Variants in PTPRD observed in about 807,000 individuals in gnomAD.
PTPRD encodes protein tyrosine phosphatase receptor type D.
PTPRD carries 34 observed loss-of-function variants against 214.5 expected under a neutral mutation model. That is an observed-to-expected ratio of 0.16 (90% CI 0.12 to 0.21). The LOEUF is 0.21. PTPRD is among the 10% of genes least tolerant of loss of function. The pLI is 1.00. For missense variants in PTPRD, 2,545 were observed against 2,398.7 expected, an observed-to-expected ratio of 1.06 and a Z score of -1.27; for synonymous variants, 1,128 against 845.7, an observed-to-expected ratio of 1.33 and a Z score of -5.79.
At chr9:9,070,650 T>C (rs2099742383) in intron 10 of PTPRD, among the ~76,000 whole-genome samples, 1 of 152,208 alleles carries the variant, frequency 6.6e-6, no homozygotes, top group Non-Finnish European at 1.5e-5. Context: ...TTAATCTTTG[T>C]ATTCAGCCAT....
At chr9:10,459,306 CA>C (rs1473293505) in intron 2 of PTPRD, among the ~76,000 whole-genome samples, 1 of 152,102 alleles carries the variant, frequency 6.6e-6, no homozygotes, top group Non-Finnish European at 1.5e-5. Flanking sequence ...TATTGATGGG[CA>C]TTTGGGTTTG....
chr9:9,846,226 C>T (rs2059506040), intron 5 of PTPRD, among the ~76,000 whole-genome samples: 2 of 151,970 alleles, frequency 1.3e-5, no homozygotes, highest in South Asian at 4.1e-4. Flanking sequence ...TAGATCTTTA[C>T]ACCTGTGCAT....
chr9:8,610,270 T>TA (rs759830409), intron 14 of PTPRD, among the ~76,000 whole-genome samples: 65 of 152,322 alleles, frequency 4.3e-4, no homozygotes, highest in Admixed American at 9.2e-4. Flanking sequence ...CATATATATA[T>TA]TTTTTGTAAA....
intron 35 of PTPRD, among the ~76,000 whole-genome samples, chr9:8,432,841 A>G (rs1447324423): frequency 2.0e-5 from 3 of 152,212 alleles, no homozygotes; most frequent in Non-Finnish European, 2.9e-5. Flanking sequence ...GATCATCATC[A>G]TGAACATCAG....
chr9:9,864,329 T>TAAA (rs200587462), intron 5 of PTPRD, among the ~76,000 whole-genome samples: 1 of 135,206 alleles, frequency 7.4e-6, no homozygotes, highest in African/African-American at 2.9e-5. Flanking sequence ...AGAGAAAGAT[T>TAAA]AAAAAAAAAA....
At chr9:9,107,033 T>A (rs2099799626) in intron 10 of PTPRD, among the ~76,000 whole-genome samples, 1 of 152,134 alleles carries the variant, frequency 6.6e-6, no homozygotes, top group East Asian at 1.9e-4. Context: ...GCTATCTTTA[T>A]CTTTAAGATT....
intron 3 of PTPRD, among the ~76,000 whole-genome samples, chr9:10,183,500 A>G (rs1382877833): frequency 6.6e-6 from 1 of 152,214 alleles, no homozygotes; most frequent in Admixed American, 6.5e-5. Context: ...TTTAAGATCA[A>G]ATAACTAGAT....
intron 10 of PTPRD, among the ~76,000 whole-genome samples, chr9:9,141,868 G>C (rs571111222): frequency 6.6e-6 from 1 of 151,900 alleles, no homozygotes; most frequent in Admixed American, 6.6e-5. Flanking sequence ...GGGCATGAAG[G>C]TGGGCCATGG....
intron 39 of PTPRD, among the ~76,000 whole-genome samples, chr9:8,352,888 G>A (rs377081227): frequency 1.3e-5 from 2 of 152,060 alleles, no homozygotes; most frequent in Non-Finnish European, 2.9e-5. Context: ...TGAGGCGGAC[G>A]GATCACGAAG....
rs564569019 is a variant in PTPRD at position 9,464,078 on chromosome 9, G to A, written c.-236-66596C>T. On this transcript the variant is annotated intron_variant, in intron 8 of 45. Transcript: ENST00000381196. ...CTATATTAACCCTTAATTTTAGTTC[G>A]TTGAAGAGATGGATTTGAGTCTGAT... Among the ~76,000 whole-genome samples, 29 of 152,120 alleles carry A rather than the reference G, an allele frequency of 1.9e-4. No individual in the cohort carries two copies. In the East Asian group the frequency reaches 2.3e-3, roughly 12 times the overall value.
intron 2 of PTPRD, among the ~76,000 whole-genome samples, chr9:10,512,397 A>C (rs2048600227): frequency 6.6e-6 from 1 of 151,972 alleles, no homozygotes; most frequent in South Asian, 2.1e-4. Context: ...GTTTGCATAG[A>C]ATAAAAAATG....
intron 11 of PTPRD, among the ~76,000 whole-genome samples, chr9:8,778,826 C>G (rs369205037): frequency 6.6e-6 from 1 of 152,136 alleles, no homozygotes; most frequent in Non-Finnish European, 1.5e-5. Context: ...TAATATCATA[C>G]AGAGCCCATA....
At chr9:10,263,088 C>T (rs2093804282) in intron 3 of PTPRD, among the ~76,000 whole-genome samples, 1 of 152,102 alleles carries the variant, frequency 6.6e-6, no homozygotes, top group African/African-American at 2.4e-5. Flanking sequence ...GAGGCCTCCC[C>T]AGCCATGTGG....
chr9:9,443,351 G>A (rs980425674), intron 8 of PTPRD, among the ~76,000 whole-genome samples: 5 of 152,148 alleles, frequency 3.3e-5, no homozygotes, highest in African/African-American at 1.2e-4. Context: ...AACCACTTCA[G>A]AAACTAAACA....
At chr9:9,134,143 G>T (rs938907716) in intron 10 of PTPRD, among the ~76,000 whole-genome samples, 1 of 139,720 alleles carries the variant, frequency 7.2e-6, no homozygotes, top group Non-Finnish European at 1.5e-5. Flanking sequence ...CGCAATCTCG[G>T]CTCACTGCAA....
At chr9:10,442,355 T>G (rs1175036556) in intron 2 of PTPRD, among the ~76,000 whole-genome samples, 2 of 151,666 alleles carry the variant, frequency 1.3e-5, no homozygotes, top group Admixed American at 6.6e-5. Context: ...ACTTGCTAAT[T>G]TACTTGATTA....
chr9:9,601,017 C>G (rs1006930654), intron 7 of PTPRD, among the ~76,000 whole-genome samples: 2 of 151,272 alleles, frequency 1.3e-5, no homozygotes, highest in East Asian at 3.9e-4. Context: ...AAAAATATGA[C>G]AGGAAGAACA....
intron 3 of PTPRD, among the ~76,000 whole-genome samples, chr9:10,282,820 A>G (rs1287628192): frequency 6.6e-6 from 1 of 152,154 alleles, no homozygotes; most frequent in East Asian, 1.9e-4. Context: ...GATCAGAAGT[A>G]GCAAGAATCC....
chr9:10,473,379 ACTAGCATG>A (rs2099043490), intron 2 of PTPRD, among the ~76,000 whole-genome samples: 1 of 152,108 alleles, frequency 6.6e-6, no homozygotes, highest in Non-Finnish European at 1.5e-5. Context: ...GTGTCTGGAT[ACTAGCATG>A]TCTCACTTTT....
Sources: gnomAD v4.1 joint callset for allele counts (sites outside exome capture counted in the v4.1 genomes callset) on GRCh38, gnomAD v4.1.1 for gene constraint, MANE v1.5 for transcripts, NCBI Gene and HGNC (gene_info 2026-07-23, HGNC 2026-07-21) for gene names.